Variants in FLNB observed in about 807,000 individuals in gnomAD.
FLNB encodes the protein filamin B.
A neutral mutation model predicts 250.6 loss-of-function variants in FLNB; 111 were observed. The observed-to-expected ratio is 0.44, with a 90% CI of 0.38 to 0.52. FLNB has a LOEUF of 0.52. Among genes scored for constraint, FLNB ranks in the 20% least tolerant of loss-of-function variants. The pLI, the probability that FLNB is intolerant of heterozygous loss-of-function variation, is 0.00. For synonymous variants in FLNB, 1,302 were observed against 1,372.1 expected, an observed-to-expected ratio of 0.95 and a Z score of 1.13; for missense variants, 2,869 against 3,447.8, an observed-to-expected ratio of 0.83 and a Z score of 4.20.
intron 4 of FLNB, among the ~76,000 whole-genome samples, chr3:58,086,485 T>C (rs182731552): frequency 1.9e-4 from 29 of 152,334 alleles, no homozygotes; most frequent in Middle Eastern, 3.4e-3. Context: ...TGAGTTAAAC[T>C]GTGTATCTTC....
chr3:58,108,099 T>C (rs2097262668), intron 12 of FLNB, among the ~76,000 whole-genome samples: 1 of 151,944 alleles, frequency 6.6e-6, no homozygotes, highest in Non-Finnish European at 1.5e-5. Flanking sequence ...AAAATACTAA[T>C]GATAGCCGAT....
intron 28 of FLNB, among the ~76,000 whole-genome samples, chr3:58,137,671 G>T (rs551247475): frequency 2.5e-4 from 38 of 152,300 alleles, no homozygotes; most frequent in African/African-American, 7.7e-4. Context: ...AGAGAGACTG[G>T]TCACTGGGGA....
intron 7 of FLNB, 92 bp from the exon 8 acceptor site, chr3:58,098,619 C>A (rs2107061595): frequency 2.5e-6 from 3 of 1,217,874 alleles, no homozygotes; most frequent in South Asian, 1.3e-5. Flanking sequence ...AAGCATGAGC[C>A]ACCACACTGG....
chr3:58,013,930 A>G (rs1349070626), intron 1 of FLNB, among the ~76,000 whole-genome samples: 1 of 152,254 alleles, frequency 6.6e-6, no homozygotes, highest in African/African-American at 2.4e-5. Context: ...GTAGTAGTTA[A>G]GAGCAAGGAT....
In FLNB at chr3:58,132,112, T is replaced by C. The variant is rs2097308478; in HGVS notation, c.4391-696T>C. ...TTGCTTACACCTGCCTCATCTGCTT[T>C]GCTTAATGAGCATGCCATCCTTTGA... is the stretch of plus-strand genomic sequence containing the variant. On this transcript the variant is annotated intron_variant, in intron 25 of 45. Transcript: ENST00000295956. 14 of 809,286 alleles carry C rather than the reference T, an allele frequency of 1.7e-5. No individual in the cohort carries two copies. The East Asian group carries it at 3.7e-4, about 22-fold the overall frequency. 50.1% of individuals were successfully genotyped at this position (809,286 alleles called of 1,614,324 possible).
intron 4 of FLNB, 86 bp from the exon 5 acceptor site, chr3:58,094,750 T>C: frequency 8.8e-7 from 1 of 1,136,886 alleles, no homozygotes; most frequent in Non-Finnish European, 1.3e-6. Context: ...GTCCCATCTC[T>C]CAGTTCCCTG....
In FLNB at chr3:58,172,177, G is replaced by A. The variant is rs1027874650; in HGVS notation, c.*1415G>A. 5 of 152,760 alleles carry A rather than the reference G, an allele frequency of 3.3e-5. No individual in the cohort carries two copies. Among genetic ancestry groups the A allele is most frequent in the Middle Eastern group, 3.4e-3 (1 of 294 alleles). 9.5% of individuals were successfully genotyped at this position (152,760 alleles called of 1,614,324 possible). On this transcript the variant is annotated 3_prime_UTR_variant, in exon 46 of 46. Transcript: ENST00000295956. ...CACGGGTGTTGTAAGCTGGGACACG[G>A]AAGCCAAACTGGAATCAAACGCCGA...
At chr3:58,140,296 CT>C (rs2097324672) in intron 29 of FLNB, among the ~76,000 whole-genome samples, 1 of 152,232 alleles carries the variant, frequency 6.6e-6, no homozygotes, top group African/African-American at 2.4e-5. Flanking sequence ...GGACAAACAG[CT>C]TAACTGCCCA....
At chr3:58,139,472 T>C (rs557275268) in intron 29 of FLNB, among the ~76,000 whole-genome samples, 117 of 152,310 alleles carry the variant, frequency 7.7e-4, no homozygotes, top group South Asian at 1.7e-3. Flanking sequence ...GAGAGGTGCA[T>C]GAAGACTCCA....
In FLNB at chr3:58,123,225, T is replaced by C; in HGVS notation, c.3259T>C (p.Cys1087Arg). 1 of 1,613,972 alleles carries C rather than the reference T, an allele frequency of 6.2e-7. No individual in the cohort carries two copies. The highest frequency in any genetic ancestry group is 8.5e-7 in the Non-Finnish European group (1 of 1,179,944). Residue 1087 changes from cysteine (C) to arginine (R), a missense_variant, in exon 21 of 46, where the codon TGC becomes CGC. Transcript: ENST00000295956. ...VEGPCEAKIE[C>R]SDNGDGTCSV... Reference sequence around the variant, plus strand: ...AGGTCCGTGCGAGGCCAAAATCGAGTGCTCCGACAATGGTGATGGGACCTG... The same window carrying C: ...AGGTCCGTGCGAGGCCAAAATCGAGCGCTCCGACAATGGTGATGGGACCTG...
chr3:58,111,501 T>G (rs551832726), intron 16 of FLNB, among the ~76,000 whole-genome samples: 1 of 152,334 alleles, frequency 6.6e-6, no homozygotes, highest in East Asian at 1.9e-4. Context: ...TTATTCTTGT[T>G]GGCATTTTTC....
At chr3:58,078,841 G>A (rs372274831) in intron 3 of FLNB, 27 bp downstream of exon 3, 10 of 1,572,842 alleles carry the variant, frequency 6.4e-6, no homozygotes, top group Non-Finnish European at 8.7e-6. Flanking sequence ...CAGGTCCTGT[G>A]AGGCTGCCCC....
At chr3:58,167,240 GC>G (rs2097372213) in intron 43 of FLNB, among the ~76,000 whole-genome samples, 1 of 152,204 alleles carries the variant, frequency 6.6e-6, no homozygotes, top group African/African-American at 2.4e-5. Flanking sequence ...GTAGCCCCAG[GC>G]CTCAGAGCTG....
chr3:58,094,402 G>T (rs541209439), intron 4 of FLNB, among the ~76,000 whole-genome samples: 1 of 152,316 alleles, frequency 6.6e-6, no homozygotes, highest in Non-Finnish European at 1.5e-5. Flanking sequence ...GGTAAAATCT[G>T]TCTCGATGAA....
At chr3:58,045,735 C>T (rs2097152895) in intron 1 of FLNB, among the ~76,000 whole-genome samples, 1 of 152,158 alleles carries the variant, frequency 6.6e-6, no homozygotes, top group Non-Finnish European at 1.5e-5. Context: ...AATGGTTGCT[C>T]ATGCCTGTAA....
At position 58,164,857 on chromosome 3, in the gene FLNB, C is replaced by G. The variant is rs1358371862; in HGVS notation, c.7198+1527C>G. 6.6e-6 allele frequency: 1 copy of G among 152,614 alleles called. No homozygotes were observed. Among genetic ancestry groups the G allele is most frequent in the Non-Finnish European group, 1.5e-5 (1 of 68,356 alleles). 9.5% of individuals were successfully genotyped at this position (152,614 alleles called of 1,614,324 possible). Reference sequence around the variant, plus strand: ...CAACACTCCCCCAAAAAGCAGTCAGCTGGGAGGAGGCAGAACCAGGAATCA... The same window carrying G: ...CAACACTCCCCCAAAAAGCAGTCAGGTGGGAGGAGGCAGAACCAGGAATCA... On this transcript the variant is annotated intron_variant, in intron 43 of 45. Transcript: ENST00000295956. This position sits in a 1 kb window ranked among gnomAD's most constrained non-coding sequence, Gnocchi z 4.0.
intron 4 of FLNB, among the ~76,000 whole-genome samples, chr3:58,094,499 T>C (rs574179206): frequency 6.6e-6 from 1 of 152,394 alleles, no homozygotes; most frequent in South Asian, 2.1e-4. Flanking sequence ...CAATAAATGC[T>C]GTTTAATGAG....
intron 1 of FLNB, among the ~76,000 whole-genome samples, chr3:58,063,600 G>C (rs2097181459): frequency 6.6e-6 from 1 of 152,138 alleles, no homozygotes. Flanking sequence ...CTGTGGTGAT[G>C]GTCAGAGCCA....
intron 28 of FLNB, among the ~76,000 whole-genome samples, chr3:58,137,220 G>A (rs574605438): frequency 4.8e-4 from 73 of 152,182 alleles, no homozygotes; most frequent in African/African-American, 1.1e-3. Context: ...GGGCTTTCAC[G>A]GCAAGGTTGT....
Sources: gnomAD v4.1 joint callset for allele counts (sites outside exome capture counted in the v4.1 genomes callset) on GRCh38, gnomAD v4.1.1 for gene constraint, Gnocchi (gnomAD v3.1) non-coding constraint, MANE v1.5 for transcripts, NCBI Gene and HGNC (gene_info 2026-07-23, HGNC 2026-07-21) for gene names.